Variants in DCDC1 observed in about 807,000 individuals in gnomAD.
DCDC1 encodes the protein doublecortin domain-containing protein 1.
In DCDC1, 200 loss-of-function variants were observed where a neutral mutation model predicts 178.3. The ratio of observed to expected loss-of-function variants is 1.12; its 90% CI spans 1.00 to 1.26. The LOEUF (loss-of-function observed/expected upper bound fraction) is 1.26. DCDC1 is among the 50% of genes most tolerant of loss of function. The pLI, the probability that DCDC1 is intolerant of heterozygous loss-of-function variation, is 0.00. For missense variants in DCDC1, 1,983 were observed against 1,749.2 expected (o/e 1.13, Z -2.38); for synonymous variants, 690 against 604.8 (o/e 1.14, Z -2.07).
chr11:31,110,179 C>T, intron 12 of DCDC1, 81 bp downstream of exon 12: 1 of 629,996 alleles, frequency 1.6e-6, no homozygotes, highest in East Asian at 2.7e-5. Flanking sequence ...CTGCAAACAA[C>T]TTTAAGATGT....
chr11:31,314,651 C>T (rs1948958131), intron 3 of DCDC1: 1 of 152,210 alleles, frequency 6.6e-6, no homozygotes, highest in South Asian at 2.1e-4. Context: ...TTTTTTGAGG[C>T]CAGGAATAGC....
intron 13 of DCDC1, among the ~76,000 whole-genome samples, chr11:31,104,051 A>G (rs1198655935): frequency 6.6e-6 from 1 of 152,204 alleles, no homozygotes; most frequent in Non-Finnish European, 1.5e-5. Flanking sequence ...TGAGAAAAAC[A>G]ATCGTCATTC....
chr11:31,257,732 A>G (rs1222718681), intron 8 of DCDC1, among the ~76,000 whole-genome samples: 1 of 151,734 alleles, frequency 6.6e-6, no homozygotes, highest in African/African-American at 2.4e-5. Context: ...ACACACACAC[A>G]CATACACACA....
intron 21 of DCDC1, among the ~76,000 whole-genome samples, chr11:30,947,166 A>C (rs1469370060): frequency 6.6e-6 from 1 of 152,222 alleles, no homozygotes; most frequent in Non-Finnish European, 1.5e-5. Flanking sequence ...AAATGTCTGA[A>C]AATAAGATGC....
Position 31,146,038 on chromosome 11 carries a change from T to G in DCDC1, c.1222-8254A>C, listed in dbSNP as rs145027966. Among the ~76,000 whole-genome samples, 95 of 152,152 alleles carry G rather than the reference T, an allele frequency of 6.2e-4. 1 individual carries two copies. The highest frequency in any genetic ancestry group is 2.0e-3 in the African/African-American group (84 of 41,532). Reference sequence around the variant, plus strand: ...GGATAATGGGGGCAAAATAACTGAATGTCTAAATCAGTTTAAAGCTTAGTT... The same window carrying G: ...GGATAATGGGGGCAAAATAACTGAAGGTCTAAATCAGTTTAAAGCTTAGTT... On this transcript the variant is annotated intron_variant, in intron 9 of 38. Coordinates refer to ENST00000684477, the MANE Select transcript of DCDC1 (RefSeq NM_001387274.1).
At chr11:30,993,355 A>C (rs1014299681) in intron 20 of DCDC1, among the ~76,000 whole-genome samples, 2 of 152,092 alleles carry the variant, frequency 1.3e-5, no homozygotes, top group African/African-American at 2.4e-5. Flanking sequence ...TAACAGCATT[A>C]AATTTTATAT....
At chr11:30,975,905 C>T (rs1306664586) in intron 20 of DCDC1, among the ~76,000 whole-genome samples, 1 of 151,844 alleles carries the variant, frequency 6.6e-6, no homozygotes, top group Non-Finnish European at 1.5e-5. Flanking sequence ...ATAACCAAAG[C>T]AATCCCAAGC....
chr11:31,356,622 C>A (rs1307266313), intron 1 of DCDC1, among the ~76,000 whole-genome samples: 1 of 150,314 alleles, frequency 6.7e-6, no homozygotes, highest in South Asian at 2.1e-4. Flanking sequence ...CACAAAAAAC[C>A]CTTCAAAAAA....
At chr11:31,148,909 C>G (rs902553923) in intron 9 of DCDC1, among the ~76,000 whole-genome samples, 5 of 152,032 alleles carry the variant, frequency 3.3e-5, no homozygotes, top group Admixed American at 6.6e-5. Flanking sequence ...CAACTTCCCC[C>G]CAAGTCCCCA....
chr11:31,190,078 G>A (rs158145), intron 9 of DCDC1, among the ~76,000 whole-genome samples: 90,547 of 151,992 alleles, frequency 0.6, 27,409 homozygotes, highest in East Asian at 0.93. Context: ...TTTTAAGGGT[G>A]TGTTTCACTG....
At chr11:30,944,342 T>TA (rs1342707107) in intron 21 of DCDC1, 1 of 456,740 alleles carries the variant, frequency 2.2e-6, no homozygotes. Flanking sequence ...CTGCATTGCC[T>TA]AAATATGTAA....
intron 9 of DCDC1, among the ~76,000 whole-genome samples, chr11:31,196,295 T>TC (rs553894035): frequency 3.0e-3 from 449 of 152,054 alleles, no homozygotes; most frequent in Non-Finnish European, 3.6e-3. Flanking sequence ...ATCCTCCAAG[T>TC]CTCTGGACAC....
At chr11:31,210,316 T>G (rs1972342269) in intron 9 of DCDC1, among the ~76,000 whole-genome samples, 2 of 152,234 alleles carry the variant, frequency 1.3e-5, no homozygotes, top group Admixed American at 1.3e-4. Context: ...AGAAAGGTAC[T>G]ATACTCCTGT....
chr11:31,205,825 T>C (rs767221137), intron 9 of DCDC1, among the ~76,000 whole-genome samples: 7 of 152,284 alleles, frequency 4.6e-5, no homozygotes, highest in Middle Eastern at 3.4e-3. Flanking sequence ...CCATGAAATA[T>C]TGGAGACATA....
At chr11:31,314,872 C>A (rs902140335) in intron 3 of DCDC1, among the ~76,000 whole-genome samples, 1 of 152,068 alleles carries the variant, frequency 6.6e-6, no homozygotes, top group African/African-American at 2.4e-5. Context: ...TCCTAAAGAT[C>A]TTAAACATGG....
intron 27 of DCDC1, among the ~76,000 whole-genome samples, chr11:30,913,514 C>T (rs183176615): frequency 2.0e-5 from 3 of 152,308 alleles, no homozygotes; most frequent in Admixed American, 2.0e-4. Context: ...CCTGATGCTC[C>T]ACCTCTTCTC....
At chr11:31,110,490 C>T in intron 11 of DCDC1, 129 bp from the exon 12 acceptor site, 1 of 552,334 alleles carries the variant, frequency 1.8e-6, no homozygotes, top group Non-Finnish European at 3.3e-6. Context: ...AAATTGTGTA[C>T]ATGGGAATTG....
intron 20 of DCDC1, among the ~76,000 whole-genome samples, chr11:30,960,028 C>A (rs1590552665): frequency 6.6e-6 from 1 of 152,094 alleles, no homozygotes; most frequent in East Asian, 1.9e-4. Flanking sequence ...AATTGAAGCA[C>A]CCAAAAGACA....
At chr11:30,994,683 CAT>C (rs1461755165) in intron 20 of DCDC1, among the ~76,000 whole-genome samples, 1 of 140,440 alleles carries the variant, frequency 7.1e-6, no homozygotes, top group African/African-American at 2.6e-5. Context: ...TAATATATAA[CAT>C]ATTATTGTTA....
Sources: allele counts gnomAD v4.1 joint callset (sites outside exome capture counted in the v4.1 genomes callset), GRCh38; gene constraint gnomAD v4.1.1; transcripts MANE v1.5; gene names NCBI Gene and HGNC (gene_info 2026-07-23, HGNC 2026-07-21).